MAD1L1: variants seen among roughly 807,000 people sequenced by gnomAD.
MAD1L1 encodes mitotic spindle assembly checkpoint protein MAD1.
MAD1L1 carries 95 observed loss-of-function variants against 96.9 expected under a neutral mutation model. The observed-to-expected ratio is 0.98, with a 90% CI of 0.83 to 1.16. The LOEUF (loss-of-function observed/expected upper bound fraction) is 1.16, where lower values mean the gene tolerates loss of function less well. Among genes scored for constraint, MAD1L1 ranks in the 50% most tolerant of loss-of-function variants. The probability of loss-of-function intolerance (pLI) is 0.00; values close to 1 mark genes in which losing one functional copy is unlikely to be tolerated. For synonymous variants in MAD1L1, 473 were observed against 396.6 expected (o/e 1.19, Z -2.29); for missense variants, 1,007 against 954.4 (o/e 1.06, Z -0.73).
chr7:2,022,266 C>T (rs1200303768), intron 12 of MAD1L1, among the ~76,000 whole-genome samples: 2 of 152,198 alleles, frequency 1.3e-5, no homozygotes, highest in Non-Finnish European at 2.9e-5. Context: ...CTGCGGGAGG[C>T]GCCCACCCTG....
intron 17 of MAD1L1, among the ~76,000 whole-genome samples, chr7:1,906,747 G>A (rs1448165013): frequency 6.6e-6 from 1 of 152,244 alleles, no homozygotes; most frequent in Admixed American, 6.5e-5. Context: ...TGCGCGACGG[G>A]TGCGTGTTGA....
chr7:2,008,334 AC>A, intron 13 of MAD1L1, among the ~76,000 whole-genome samples: 1 of 152,026 alleles, frequency 6.6e-6, no homozygotes, highest in East Asian at 1.9e-4. Flanking sequence ...GCGGCAGAGC[AC>A]CCCCTGTGGA....
intron 12 of MAD1L1, among the ~76,000 whole-genome samples, chr7:2,035,228 C>A (rs936653360): frequency 6.6e-6 from 1 of 152,170 alleles, no homozygotes; most frequent in African/African-American, 2.4e-5. Context: ...GAAATGTAAA[C>A]CGGAGTCCAG....
intron 10 of MAD1L1, among the ~76,000 whole-genome samples, chr7:2,168,212 G>A (rs1790532801): frequency 6.6e-6 from 1 of 152,146 alleles, no homozygotes; most frequent in African/African-American, 2.4e-5. Context: ...TTGAACCCAG[G>A]AGGCAGAGGT....
chr7:1,839,446 CGCAGGACAA>C (rs1462079547), intron 18 of MAD1L1, among the ~76,000 whole-genome samples: 4 of 151,940 alleles, frequency 2.6e-5, no homozygotes, highest in Non-Finnish European at 4.4e-5. Flanking sequence ...GCCAGCTGCC[CGCAGGACAA>C]GCTGGGCCTG....
chr7:2,168,195 G>A (rs1790531989), intron 10 of MAD1L1, among the ~76,000 whole-genome samples: 1 of 152,188 alleles, frequency 6.6e-6, no homozygotes, highest in Admixed American at 6.5e-5. Context: ...TGAGGCAGGA[G>A]AATGGCTTGA....
chr7:2,220,348 C>T (rs578006702), intron 5 of MAD1L1, among the ~76,000 whole-genome samples: 1 of 152,224 alleles, frequency 6.6e-6, no homozygotes, highest in African/African-American at 2.4e-5. Context: ...CAGGCTTCCT[C>T]CTGACCACTC....
chr7:2,043,728 G>A (rs1163521305), intron 12 of MAD1L1, among the ~76,000 whole-genome samples: 1 of 152,224 alleles, frequency 6.6e-6, no homozygotes, highest in East Asian at 1.9e-4. Context: ...TCGAGAGTGG[G>A]GGCAGCACCA....
intron 12 of MAD1L1, among the ~76,000 whole-genome samples, chr7:2,019,638 G>A (rs911907321): frequency 6.6e-6 from 1 of 152,142 alleles, no homozygotes; most frequent in Non-Finnish European, 1.5e-5. Context: ...GGTGGGGGTC[G>A]GGCTGCCCGG....
At chr7:1,903,263 G>C (rs1278686025) in intron 17 of MAD1L1, among the ~76,000 whole-genome samples, 1 of 151,358 alleles carries the variant, frequency 6.6e-6, no homozygotes, top group Non-Finnish European at 1.5e-5. Context: ...GCCTACGGAA[G>C]ACACTCTTGC....
intron 10 of MAD1L1, among the ~76,000 whole-genome samples, chr7:2,195,489 CG>C (rs1791940960): frequency 6.6e-6 from 1 of 152,162 alleles, no homozygotes; most frequent in Non-Finnish European, 1.5e-5. Context: ...CAAATAGACT[CG>C]TAAATAATTC....
intron 18 of MAD1L1, among the ~76,000 whole-genome samples, chr7:1,877,959 G>C (rs1785470145): frequency 1.3e-5 from 2 of 152,146 alleles, no homozygotes; most frequent in South Asian, 4.1e-4. Context: ...GACGAAAAAA[G>C]AGATGATATG....
chr7:2,003,237 G>A (rs1006108758), intron 13 of MAD1L1, among the ~76,000 whole-genome samples: 3 of 152,228 alleles, frequency 2.0e-5, no homozygotes, highest in Non-Finnish European at 4.4e-5. Context: ...CAGGAGAAAC[G>A]GGAGAGAGGC....
intron 13 of MAD1L1, among the ~76,000 whole-genome samples, chr7:2,011,148 T>C (rs995911553): frequency 9.6e-5 from 14 of 146,318 alleles, no homozygotes; most frequent in Non-Finnish European, 1.8e-4. Flanking sequence ...CCCCCGACCG[T>C]GAGGAGAAGA....
rs554766400 is a variant in MAD1L1 at position 2,081,315 on chromosome 7, G to C, written c.1074-11977C>G. The stretch of plus-strand genomic sequence containing the variant: ...TTGCCCCTTCCTCATCTGGATCATA[G>C]GTTCTAGCGAAAGTCCATCGAGTTC... On this transcript the variant is annotated intron_variant, in intron 11 of 18. Transcript: ENST00000265854. Among the ~76,000 whole-genome samples, 122 of 152,318 alleles carry C rather than the reference G, an allele frequency of 8.0e-4. No homozygotes were observed. In the South Asian group the frequency reaches 0.01, roughly 13 times the overall value.
chr7:2,066,759 C>A (rs564147247), intron 12 of MAD1L1, among the ~76,000 whole-genome samples: 26 of 152,222 alleles, frequency 1.7e-4, no homozygotes, highest in South Asian at 4.1e-4. Flanking sequence ...CTGCATGTAA[C>A]TCCTCATCAC....
chr7:1,867,046 G>C (rs920545157), intron 18 of MAD1L1, among the ~76,000 whole-genome samples: 1 of 152,236 alleles, frequency 6.6e-6, no homozygotes, highest in Non-Finnish European at 1.5e-5. Context: ...CACCACAGCA[G>C]CACCTGCTGG....
chr7:1,941,336 G>C (rs529672869), intron 16 of MAD1L1, among the ~76,000 whole-genome samples: 2 of 152,248 alleles, frequency 1.3e-5, no homozygotes, highest in Admixed American at 6.5e-5. Context: ...CATCATCCTG[G>C]GATGAGGTTT....
At chr7:2,216,793 G>A (rs1374527303) in intron 7 of MAD1L1, among the ~76,000 whole-genome samples, 3 of 152,164 alleles carry the variant, frequency 2.0e-5, no homozygotes, top group Admixed American at 2.0e-4. Flanking sequence ...TAAAGTCATT[G>A]AGGTCACAAA....
Sources: gnomAD v4.1 joint callset for allele counts (sites outside exome capture counted in the v4.1 genomes callset) on GRCh38, gnomAD v4.1.1 for gene constraint, MANE v1.5 for transcripts, NCBI Gene and HGNC (gene_info 2026-07-23, HGNC 2026-07-21) for gene names.